Variants in MICAL3 observed in about 807,000 individuals in gnomAD.
MICAL3 encodes microtubule associated monooxygenase, calponin and LIM domain containing 3.
MICAL3 carries 62 observed loss-of-function variants against 207.4 expected under a neutral mutation model. The ratio of observed to expected loss-of-function variants is 0.30; its 90% CI spans 0.24 to 0.37. The LOEUF is 0.37. Ranked by LOEUF, MICAL3 falls within the 10% of genes least tolerant of loss-of-function variation. The pLI is 1.00. For missense variants in MICAL3, 2,368 were observed against 2,635.6 expected, an observed-to-expected ratio of 0.90 and a Z score of 2.22; for synonymous variants, 1,077 against 1,069.3, an observed-to-expected ratio of 1.01 and a Z score of -0.14.
rs573099219 is a variant in MICAL3, at chr22:17,883,912, C to G, written c.2241+1966G>C. ...TCAGGCCTGACATACTCAGAATTCT[C>G]TCTCCCAAGGTCACGAGGAAACATG... On this transcript the variant is annotated intron_variant, in intron 16 of 31. Coordinates refer to ENST00000441493, the MANE Select transcript of MICAL3 (RefSeq NM_015241.3). 5.3e-5 allele frequency among the ~76,000 whole-genome samples: 8 copies of G among 152,314 alleles called. No homozygotes were observed. The South Asian group carries it at 1.7e-3, about 32-fold the overall frequency.
At chr22:17,894,011 G>C (rs922372770) in intron 10 of MICAL3, 107 bp from the exon 11 acceptor site, 2 of 777,664 alleles carry the variant, frequency 2.6e-6, no homozygotes, top group Admixed American at 4.4e-5. Flanking sequence ...AGAAGGCTGG[G>C]TAAAGTTCAG....
At chr22:17,803,342 C>T (rs972709427) in intron 29 of MICAL3, among the ~76,000 whole-genome samples, 35 of 152,162 alleles carry the variant, frequency 2.3e-4, no homozygotes, top group Non-Finnish European at 1.5e-5. Flanking sequence ...TTCCCTCGCA[C>T]TCAGCTCTTC....
chr22:17,863,506 T>C, intron 19 of MICAL3: 9 of 985,396 alleles, frequency 9.1e-6, no homozygotes, highest in Non-Finnish European at 1.1e-5. Flanking sequence ...ACGAGAAAGA[T>C]GGATTATAAA....
intron 16 of MICAL3, among the ~76,000 whole-genome samples, chr22:17,883,446 G>A (rs1443549697): frequency 6.6e-6 from 1 of 152,198 alleles, no homozygotes; most frequent in Non-Finnish European, 1.5e-5. Context: ...TACAGCACAG[G>A]AGGCTGGGGA....
rs147131976 is a variant in MICAL3 at position 17,929,379 on chromosome 22, G to A, written c.-74-22493C>T. Among the ~76,000 whole-genome samples the A allele has an allele frequency of 6.3e-3, 954 of 150,690 alleles. 10 individuals are homozygous for A. The highest frequency in any genetic ancestry group is 0.021 in the African/African-American group (856 of 41,068). ...TGGTCTCTCCAAGTGCTAGGATTAA[G>A]AGGCATGAGCCACCATGCCCAGCCT... On this transcript the variant is annotated intron_variant, in intron 1 of 31. Coordinates refer to ENST00000441493, the MANE Select transcript of MICAL3 (RefSeq NM_015241.3).
intron 1 of MICAL3, among the ~76,000 whole-genome samples, chr22:18,023,654 C>G (rs772849056): frequency 9.9e-5 from 15 of 152,238 alleles, no homozygotes; most frequent in Admixed American, 3.9e-4. Flanking sequence ...TGAACTTGGC[C>G]GTCCTTTTGT....
At chr22:17,861,928 T>G in intron 19 of MICAL3, 1 of 985,324 alleles carries the variant, frequency 1.0e-6, no homozygotes, top group Non-Finnish European at 1.2e-6. Flanking sequence ...TGTGGGTGTG[T>G]TTTTTTGTTT....
intron 1 of MICAL3, among the ~76,000 whole-genome samples, chr22:17,976,589 A>ATATATTT (rs1231976773): frequency 1.5e-5 from 1 of 67,128 alleles, no homozygotes; most frequent in African/African-American, 6.5e-5. Context: ...ATATATATAT[A>ATATATTT]TTTTTTTTTT....
chr22:17,826,762 C>T (rs1922232746), intron 22 of MICAL3, among the ~76,000 whole-genome samples: 2 of 152,220 alleles, frequency 1.3e-5, no homozygotes, highest in Non-Finnish European at 2.9e-5. Context: ...GCAGAGCGCT[C>T]CCCAGCTCAC....
intron 17 of MICAL3, 36 bp downstream of exon 17, chr22:17,871,801 G>A: frequency 2.6e-6 from 4 of 1,559,162 alleles, no homozygotes; most frequent in Non-Finnish European, 3.5e-6. Flanking sequence ...TCCAAGCACA[G>A]TTTCTCAGTG....
chr22:17,868,096 G>A (rs1927333132), intron 17 of MICAL3, among the ~76,000 whole-genome samples: 1 of 152,122 alleles, frequency 6.6e-6, no homozygotes, highest in East Asian at 1.9e-4. Flanking sequence ...TAGATGATGC[G>A]AGCAATGTGA....
chr22:18,016,663 G>A (rs1035573214), intron 1 of MICAL3, among the ~76,000 whole-genome samples: 4 of 152,270 alleles, frequency 2.6e-5, no homozygotes, highest in East Asian at 1.9e-4. Flanking sequence ...TTTCTAGGCC[G>A]GGTGCGGTGG....
At chr22:17,927,034 A>C (rs974353949) in intron 1 of MICAL3, among the ~76,000 whole-genome samples, 1 of 152,222 alleles carries the variant, frequency 6.6e-6, no homozygotes, top group African/African-American at 2.4e-5. Context: ...GTCTATCTCC[A>C]GAACTTTTTT....
chr22:17,884,405 A>T (rs1371370077), intron 16 of MICAL3: 2 of 1,396,920 alleles, frequency 1.4e-6, no homozygotes, highest in African/African-American at 1.5e-5. Flanking sequence ...CATGGAGACA[A>T]AACAAAATAA....
chr22:17,814,018 GA>G (rs916806829), intron 27 of MICAL3: 1 of 152,126 alleles, frequency 6.6e-6, no homozygotes, highest in African/African-American at 2.4e-5. Flanking sequence ...TAAGTATTTT[GA>G]CTGGTTTAAA....
intron 21 of MICAL3, 149 bp from the exon 22 acceptor site, chr22:17,827,930 T>A: frequency 3.0e-6 from 2 of 672,386 alleles, no homozygotes; most frequent in Non-Finnish European, 4.8e-6. Context: ...TGTATGCACA[T>A]GTATACACAC....
At chr22:17,810,268 T>C (rs531598306) in intron 28 of MICAL3, among the ~76,000 whole-genome samples, 1 of 152,210 alleles carries the variant, frequency 6.6e-6, no homozygotes, top group South Asian at 2.1e-4. Flanking sequence ...TTTCACCGTG[T>C]TAGCCAGGAT....
chr22:17,995,399 A>G (rs549041174), intron 1 of MICAL3, among the ~76,000 whole-genome samples: 1 of 150,868 alleles, frequency 6.6e-6, no homozygotes, highest in South Asian at 2.1e-4. Flanking sequence ...CTGGTCTCAA[A>G]CTCCTGGCCT....
intron 1 of MICAL3, among the ~76,000 whole-genome samples, chr22:17,988,600 G>A (rs569998583): frequency 1.3e-5 from 2 of 152,080 alleles, no homozygotes; most frequent in East Asian, 1.9e-4. Context: ...GACTACAGGC[G>A]CCTGCAACCG....
Sources: gnomAD v4.1 joint callset for allele counts (sites outside exome capture counted in the v4.1 genomes callset) on GRCh38, gnomAD v4.1.1 for gene constraint, MANE v1.5 for transcripts, NCBI Gene and HGNC (gene_info 2026-07-23, HGNC 2026-07-21) for gene names.